Variants in FYB1 observed in about 807,000 individuals in gnomAD.
The protein encoded by FYB1 is FYN-binding protein 1.
In FYB1, 41 loss-of-function variants were observed where a neutral mutation model predicts 94.1. The ratio of observed to expected loss-of-function variants is 0.44; its 90% CI spans 0.34 to 0.57. FYB1 has a LOEUF of 0.57. FYB1 is among the 20% of genes least tolerant of loss of function. The pLI, the probability that FYB1 is intolerant of heterozygous loss-of-function variation, is 0.02. For missense variants in FYB1, 1,050 were observed against 976.8 expected, an observed-to-expected ratio of 1.07 and a Z score of -1.00; for synonymous variants, 367 against 353.2, an observed-to-expected ratio of 1.04 and a Z score of -0.44.
At chr5:39,151,845 T>G (rs1399444735) in intron 3 of FYB1, among the ~76,000 whole-genome samples, 2 of 152,216 alleles carry the variant, frequency 1.3e-5, no homozygotes, top group Non-Finnish European at 2.9e-5. Flanking sequence ...GGACTGGTGC[T>G]GTGAGAAGCA....
intron 2 of FYB1, among the ~76,000 whole-genome samples, chr5:39,176,526 G>A (rs957367121): frequency 1.1e-4 from 17 of 152,110 alleles, no homozygotes; most frequent in Non-Finnish European, 1.9e-4. Flanking sequence ...ATTAACAAAA[G>A]ATAATCTATA....
At chr5:39,230,760 C>T (rs936937921) in intron 1 of FYB1, among the ~76,000 whole-genome samples, 9 of 151,620 alleles carry the variant, frequency 5.9e-5, no homozygotes, top group Non-Finnish European at 1.3e-4. Context: ...GCTGGCATCA[C>T]GGTCTAATGA....
At chr5:39,158,114 C>A (rs1253506239) in intron 2 of FYB1, among the ~76,000 whole-genome samples, 1 of 152,086 alleles carries the variant, frequency 6.6e-6, no homozygotes, top group African/African-American at 2.4e-5. Flanking sequence ...GGGAGAATTG[C>A]GAATAACAGG....
At chr5:39,194,718 C>T (rs569964101) in intron 2 of FYB1, among the ~76,000 whole-genome samples, 14 of 152,120 alleles carry the variant, frequency 9.2e-5, no homozygotes, top group East Asian at 7.7e-4. Flanking sequence ...AGGGGTAGTT[C>T]GTAAAATTTG....
intron 1 of FYB1, among the ~76,000 whole-genome samples, chr5:39,204,669 A>T (rs1489367966): frequency 6.6e-6 from 1 of 152,064 alleles, no homozygotes; most frequent in Non-Finnish European, 1.5e-5. Context: ...TCAGGATTCT[A>T]ATATATGCTT....
chr5:39,244,417 G>A (rs191989173), intron 1 of FYB1, among the ~76,000 whole-genome samples: 2 of 152,044 alleles, frequency 1.3e-5, no homozygotes, highest in East Asian at 3.9e-4. Context: ...TTTGTCTTTG[G>A]TTCTGTTTGT....
intron 1 of FYB1, among the ~76,000 whole-genome samples, chr5:39,207,865 G>T (rs1326940272): frequency 6.6e-6 from 1 of 152,168 alleles, no homozygotes; most frequent in East Asian, 1.9e-4. Context: ...GAAGGGGTTG[G>T]GTAGAGGCCA....
chr5:39,116,661 C>A (rs1739596103), intron 16 of FYB1, among the ~76,000 whole-genome samples: 1 of 152,088 alleles, frequency 6.6e-6, no homozygotes, highest in Non-Finnish European at 1.5e-5. Context: ...CTCACTGGTG[C>A]CGTATCTATT....
At chr5:39,245,620 C>T (rs534655609) in intron 1 of FYB1, among the ~76,000 whole-genome samples, 35 of 144,216 alleles carry the variant, frequency 2.4e-4, no homozygotes, top group Non-Finnish European at 4.3e-4. Flanking sequence ...TTTTTTGAGA[C>T]GGAATGTCAT....
At chr5:39,223,686 T>G (rs2150558772), upstream of FYB1, among the ~76,000 whole-genome samples, 1 of 152,318 alleles carries the variant, frequency 6.6e-6, no homozygotes, top group Non-Finnish European at 1.5e-5. Context: ...TAGCTCATTC[T>G]TTGTGGACGT....
chr5:39,165,438 T>C lies in FYB1; in HGVS notation c.1136-11834A>G, dbSNP rs927074671. ...GTGCTGGGAAAATTTGACTGCCATATGCATAAGAATGAAACTGGGCTCCTA... is the reference window on the plus strand; with the variant it reads ...GTGCTGGGAAAATTTGACTGCCATACGCATAAGAATGAAACTGGGCTCCTA... On this transcript the variant is annotated intron_variant, in intron 2 of 18. Coordinates refer to ENST00000512982, the MANE Select transcript of FYB1 (RefSeq NM_001465.6). 2.6e-5 allele frequency among the ~76,000 whole-genome samples: 4 copies of C among 152,180 alleles called. No homozygotes were observed. The East Asian group carries it at 5.8e-4, about 22-fold the overall frequency.
chr5:39,241,474 C>T (rs1352544775), intron 1 of FYB1, among the ~76,000 whole-genome samples: 1 of 152,160 alleles, frequency 6.6e-6, no homozygotes, highest in Non-Finnish European at 1.5e-5. Context: ...CCCCACCTTC[C>T]TGTGTATGTG....
intron 16 of FYB1, among the ~76,000 whole-genome samples, chr5:39,117,675 A>T (rs1448541608): frequency 1.3e-5 from 2 of 152,094 alleles, no homozygotes; most frequent in African/African-American, 4.8e-5. Flanking sequence ...CTCCATTTCA[A>T]TTCCTGTCCC....
chr5:39,167,371 ATAAAG>A (rs748441962), intron 2 of FYB1, among the ~76,000 whole-genome samples: 6 of 152,158 alleles, frequency 3.9e-5, no homozygotes, highest in Non-Finnish European at 8.8e-5. Context: ...TACAACACAG[ATAAAG>A]TAGAGTTTCA....
chr5:39,124,829 C>G (rs1198410970), intron 12 of FYB1, among the ~76,000 whole-genome samples: 1 of 151,698 alleles, frequency 6.6e-6, no homozygotes, highest in Non-Finnish European at 1.5e-5. Flanking sequence ...AATTAAAGTG[C>G]TCTGAAATCA....
At chr5:39,218,141 C>T (rs377397843) in intron 1 of FYB1, among the ~76,000 whole-genome samples, 4 of 152,206 alleles carry the variant, frequency 2.6e-5, no homozygotes, top group Non-Finnish European at 5.9e-5. Flanking sequence ...TGGATTTCAA[C>T]CTTTACAATA....
chr5:39,158,057 G>T (rs1365459441), intron 2 of FYB1, among the ~76,000 whole-genome samples: 1 of 152,146 alleles, frequency 6.6e-6, no homozygotes, highest in Non-Finnish European at 1.5e-5. Context: ...AAGGAAAATT[G>T]GTTGTATTTA....
chr5:39,171,816 A>T (rs1381633334), intron 2 of FYB1, among the ~76,000 whole-genome samples: 1 of 152,190 alleles, frequency 6.6e-6, no homozygotes, highest in Non-Finnish European at 1.5e-5. Flanking sequence ...TTTCTGCAAG[A>T]GCCAAAGCAT....
intron 1 of FYB1, among the ~76,000 whole-genome samples, chr5:39,249,949 TG>T (rs1340311855): frequency 6.6e-6 from 1 of 152,318 alleles, no homozygotes; most frequent in South Asian, 2.1e-4. Context: ...GATTGGATCA[TG>T]GGGGTGGTTT....
Sources: allele counts gnomAD v4.1 joint callset (sites outside exome capture counted in the v4.1 genomes callset), GRCh38; gene constraint gnomAD v4.1.1; transcripts MANE v1.5; gene names NCBI Gene and HGNC (gene_info 2026-07-23, HGNC 2026-07-21).